Variants in INSL6 observed in about 807,000 individuals in gnomAD.
The protein encoded by INSL6 is insulin like 6.
INSL6 carries 16 observed loss-of-function variants against 9.4 expected under a neutral mutation model. The observed-to-expected ratio is 1.70, with a 90% CI of 1.15 to 2.59. INSL6 has a LOEUF of 2.59. INSL6 is among the 30% of genes most tolerant of loss of function. The probability of loss-of-function intolerance (pLI) is 0.00; values close to 1 mark genes in which losing one functional copy is unlikely to be tolerated. For missense variants in INSL6, 391 were observed against 257.3 expected, an observed-to-expected ratio of 1.52 and a Z score of -3.56; for synonymous variants, 154 against 96.9, an observed-to-expected ratio of 1.59 and a Z score of -3.46.
At chr9:5,039,469 A>G in the INSL6 span, among the ~76,000 whole-genome samples, 26 of 152,286 alleles carry the variant, frequency 1.7e-4, no homozygotes, top group African/African-American at 5.3e-4. Context: ...GCCTTTGTAT[A>G]TCAGGAACAT....
At chr9:5,175,807 C>G (rs537769996) in intron 1 of INSL6, among the ~76,000 whole-genome samples, 2 of 152,260 alleles carry the variant, frequency 1.3e-5, no homozygotes, top group African/African-American at 4.8e-5. Flanking sequence ...CTCCCATCAC[C>G]CCCAGATGGG....
At chr9:5,185,205 T>G in intron 1 of INSL6, 109 bp downstream of exon 1, 1 of 1,361,488 alleles carries the variant, frequency 7.3e-7, no homozygotes, top group South Asian at 1.2e-5. Context: ...AAGAGCTGTG[T>G]ACTAGGCACA....
the INSL6 span, among the ~76,000 whole-genome samples, chr9:5,064,525 CAAAAAAAA>C: frequency 1.2e-5 from 1 of 84,690 alleles, no homozygotes; most frequent in South Asian, 3.5e-4. Flanking sequence ...GCAAGACTCT[CAAAAAAAA>C]AAAAAAAGAA....
chr9:5,169,071 C>T (rs1437449230), intron 1 of INSL6, among the ~76,000 whole-genome samples: 1 of 152,076 alleles, frequency 6.6e-6, no homozygotes, highest in Non-Finnish European at 1.5e-5. Context: ...GGATTAGAGG[C>T]ATGCGCCACC....
At chr9:5,043,011 C>G in the INSL6 span, among the ~76,000 whole-genome samples, 1 of 152,204 alleles carries the variant, frequency 6.6e-6, no homozygotes, top group Non-Finnish European at 1.5e-5. Context: ...TGGCGTCGCG[C>G]GGCTCGGCCC....
chr9:5,046,867 G>C, the INSL6 span, among the ~76,000 whole-genome samples: 1 of 152,138 alleles, frequency 6.6e-6, no homozygotes, highest in Admixed American at 6.5e-5. Flanking sequence ...TGCAGAGCTA[G>C]TATATTTTGG....
chr9:5,169,076 G>T (rs370152237), intron 1 of INSL6, among the ~76,000 whole-genome samples: 1 of 151,980 alleles, frequency 6.6e-6, no homozygotes, highest in African/African-American at 2.4e-5. Context: ...AGAGGCATGC[G>T]CCACCATGCC....
At chr9:5,038,522 A>C in the INSL6 span, among the ~76,000 whole-genome samples, 2 of 152,164 alleles carry the variant, frequency 1.3e-5, no homozygotes, top group Non-Finnish European at 2.9e-5. Flanking sequence ...AAATACTTGC[A>C]AACCGAATCC....
chr9:5,099,902 T>C, the INSL6 span: 1 of 152,182 alleles, frequency 6.6e-6, no homozygotes, highest in African/African-American at 2.4e-5. Context: ...GTAATTACAG[T>C]CTTCTGCTTT....
chr9:5,182,560 CAT>C (rs1185391852), intron 1 of INSL6, among the ~76,000 whole-genome samples: 3 of 152,008 alleles, frequency 2.0e-5, no homozygotes, highest in Admixed American at 6.6e-5. Context: ...GTGCCTAACA[CAT>C]GATAGGTACT....
downstream of INSL6, among the ~76,000 whole-genome samples, chr9:5,120,552 T>C (rs1226502864): frequency 6.6e-6 from 1 of 152,234 alleles, no homozygotes; most frequent in Non-Finnish European, 1.5e-5. Context: ...AAAGTGCCTC[T>C]GCTTAAATGT....
At chr9:5,056,362 T>C in the INSL6 span, among the ~76,000 whole-genome samples, 2 of 152,128 alleles carry the variant, frequency 1.3e-5, no homozygotes, top group African/African-American at 4.8e-5. Flanking sequence ...AAGTTTCTCA[T>C]TTATCTTCTC....
At chr9:5,065,997 C>T in the INSL6 span, among the ~76,000 whole-genome samples, 3 of 152,044 alleles carry the variant, frequency 2.0e-5, no homozygotes, top group African/African-American at 7.2e-5. Context: ...TTTAAAACTC[C>T]TTGCCTTTAT....
the INSL6 span, among the ~76,000 whole-genome samples, chr9:5,005,537 T>G: frequency 6.6e-6 from 1 of 152,218 alleles, no homozygotes; most frequent in African/African-American, 2.4e-5. Flanking sequence ...TGTATTCTTT[T>G]AAAGTGTTAT....
At chr9:5,154,179 A>G (rs1217977108) in intron 2 of INSL6, among the ~76,000 whole-genome samples, 1 of 152,184 alleles carries the variant, frequency 6.6e-6, no homozygotes, top group East Asian at 1.9e-4. Context: ...CACATCTACA[A>G]CCATCTGATC....
the INSL6 span, among the ~76,000 whole-genome samples, chr9:4,999,968 T>C: frequency 6.6e-6 from 1 of 152,206 alleles, no homozygotes; most frequent in Non-Finnish European, 1.5e-5. Context: ...TCTTCTTGTT[T>C]ACCAGTCAGC....
chr9:5,001,331 TG>T, the INSL6 span, among the ~76,000 whole-genome samples: 1 of 152,208 alleles, frequency 6.6e-6, no homozygotes, highest in Admixed American at 6.5e-5. Flanking sequence ...TGTTTGTAGA[TG>T]ATCTTTATTT....
At chr9:5,102,927 C>T in the INSL6 span, among the ~76,000 whole-genome samples, 2 of 151,992 alleles carry the variant, frequency 1.3e-5, no homozygotes, top group African/African-American at 4.8e-5. Context: ...CCAGTAGCAG[C>T]CACTGCAAAA....
At chr9:5,014,036 C>T in the INSL6 span, among the ~76,000 whole-genome samples, 1 of 151,856 alleles carries the variant, frequency 6.6e-6, no homozygotes, top group Non-Finnish European at 1.5e-5. Flanking sequence ...AGTTGTGTCT[C>T]TTAGAATTAT....
Sources: allele counts gnomAD v4.1 joint callset (sites outside exome capture counted in the v4.1 genomes callset), GRCh38; gene constraint gnomAD v4.1.1; transcripts MANE v1.5; gene names NCBI Gene and HGNC (gene_info 2026-07-23, HGNC 2026-07-21).